DTNB: variants seen among roughly 807,000 people sequenced by gnomAD.
DTNB encodes the protein dystrobrevin beta, also known as DTN-B.
DTNB carries 63 observed loss-of-function variants against 90.7 expected under a neutral mutation model. That is an observed-to-expected ratio of 0.69 (90% CI 0.57 to 0.86). DTNB has a LOEUF of 0.86. Ranked by LOEUF, DTNB falls within the 40% of genes least tolerant of loss-of-function variation. DTNB has a pLI of 0.00. For synonymous variants in DTNB, 277 were observed against 286.7 expected, an observed-to-expected ratio of 0.97 and a Z score of 0.34; for missense variants, 744 against 807.1, an observed-to-expected ratio of 0.92 and a Z score of 0.95.
At chr2:25,665,808 A>G (rs1032609901) in intron 1 of DTNB, among the ~76,000 whole-genome samples, 1 of 151,468 alleles carries the variant, frequency 6.6e-6, no homozygotes, top group East Asian at 1.9e-4. Context: ...GGGAAAATAA[A>G]TGTTCATAAA....
At chr2:25,527,054 C>T (rs1483341735) in intron 9 of DTNB, among the ~76,000 whole-genome samples, 1 of 151,878 alleles carries the variant, frequency 6.6e-6, no homozygotes, top group African/African-American at 2.4e-5. Flanking sequence ...AAGAAGAATC[C>T]TAACATAACT....
intron 6 of DTNB, among the ~76,000 whole-genome samples, chr2:25,587,784 AT>A (rs2062732990): frequency 6.6e-6 from 1 of 152,194 alleles, no homozygotes; most frequent in Non-Finnish European, 1.5e-5. Context: ...CAATCTAAGT[AT>A]GCTAGTGAGA....
intron 5 of DTNB, chr2:25,599,124 T>C (rs1187351943): frequency 6.6e-6 from 1 of 151,242 alleles, no homozygotes; most frequent in Admixed American, 6.6e-5. Flanking sequence ...ATTACAGCAG[T>C]GACAGTGTGT....
chr2:25,431,806 C>T (rs2053939663), intron 14 of DTNB, among the ~76,000 whole-genome samples: 1 of 152,180 alleles, frequency 6.6e-6, no homozygotes. Flanking sequence ...TCCCATCCTC[C>T]CTAGTACGAC....
intron 16 of DTNB, among the ~76,000 whole-genome samples, chr2:25,400,444 C>T (rs756978906): frequency 8.5e-5 from 13 of 152,218 alleles, no homozygotes; most frequent in Non-Finnish European, 1.5e-4. Context: ...GTCTAGAATA[C>T]GCGGCACAGT....
At chr2:25,643,116 TA>T (rs2078700871) in intron 2 of DTNB, among the ~76,000 whole-genome samples, 1 of 151,988 alleles carries the variant, frequency 6.6e-6, no homozygotes, top group Non-Finnish European at 1.5e-5. Flanking sequence ...CCAGCTCAAC[TA>T]AAAGGTATGG....
intron 1 of DTNB, among the ~76,000 whole-genome samples, chr2:25,654,690 G>C (rs1267685264): frequency 1.3e-5 from 2 of 152,124 alleles, no homozygotes; most frequent in South Asian, 2.1e-4. Context: ...TTGTCAAATG[G>C]ACATAATGGG....
At chr2:25,471,686 G>A (rs1364809384) in intron 10 of DTNB, among the ~76,000 whole-genome samples, 1 of 152,156 alleles carries the variant, frequency 6.6e-6, no homozygotes, top group East Asian at 1.9e-4. Flanking sequence ...ACAGGCGTGA[G>A]CCACCGCATC....
chr2:25,518,718 G>A (rs2075613180), intron 9 of DTNB, among the ~76,000 whole-genome samples: 1 of 152,080 alleles, frequency 6.6e-6, no homozygotes, highest in South Asian at 2.1e-4. Flanking sequence ...TTTTTGGAGA[G>A]GTATAATTCC....
rs572585776 is a variant in DTNB, at chr2:25,542,266, G to C, written c.877-10669C>G. Among the ~76,000 whole-genome samples, 9 of 152,218 alleles carry C rather than the reference G, an allele frequency of 5.9e-5. No individual in the cohort carries two copies. The South Asian group carries it at 1.7e-3, about 28-fold the overall frequency. ...GTGCCCAGCTTAGATGTTGGGTTTAGTAAATATTTTATATGAGTCTTTTGA... is the reference window on the plus strand; with the variant it reads ...GTGCCCAGCTTAGATGTTGGGTTTACTAAATATTTTATATGAGTCTTTTGA... On this transcript the variant is annotated intron_variant, in intron 8 of 20. Coordinates refer to ENST00000406818, the MANE Select transcript of DTNB (RefSeq NM_021907.5).
chr2:25,646,143 C>T (rs2079386657), intron 2 of DTNB, among the ~76,000 whole-genome samples: 1 of 152,108 alleles, frequency 6.6e-6, no homozygotes, highest in Non-Finnish European at 1.5e-5. Flanking sequence ...CTCACCGTAC[C>T]TCTCGGGCAT....
chr2:25,532,824 G>T (rs971350586), intron 8 of DTNB, among the ~76,000 whole-genome samples: 1 of 152,142 alleles, frequency 6.6e-6, no homozygotes, highest in Non-Finnish European at 1.5e-5. Context: ...GCAGCTGTCT[G>T]CCTCATCAAT....
At chr2:25,515,327 C>G (rs142987091) in intron 9 of DTNB, among the ~76,000 whole-genome samples, 1 of 152,098 alleles carries the variant, frequency 6.6e-6, no homozygotes, top group Non-Finnish European at 1.5e-5. Context: ...GATTAAAATA[C>G]CCAAAACAAT....
At position 25,513,549 on chromosome 2, in the gene DTNB, C is replaced by T. The variant is rs561876334; in HGVS notation, c.1001+17924G>A. Among the ~76,000 whole-genome samples, 23 of 152,018 alleles carry T rather than the reference C, an allele frequency of 1.5e-4. No homozygotes were observed. The South Asian group carries it at 4.0e-3, about 26-fold the overall frequency. On this transcript the variant is annotated intron_variant, in intron 9 of 20. Transcript: ENST00000406818. ...CTAGCCGGCCAACATGGTGAAACCC[C>T]GTCTCTACTAAAAATACAAAAAAAT...
intron 4 of DTNB, among the ~76,000 whole-genome samples, chr2:25,621,199 G>C (rs2072513627): frequency 1.3e-5 from 2 of 152,130 alleles, no homozygotes; most frequent in Non-Finnish European, 2.9e-5. Context: ...TGCCTCCCAG[G>C]AAATTACAGT....
chr2:25,557,437 TAGG>T (rs1402676909), intron 8 of DTNB, among the ~76,000 whole-genome samples: 1 of 151,968 alleles, frequency 6.6e-6, no homozygotes, highest in Non-Finnish European at 1.5e-5. Flanking sequence ...CAGGTCAAAA[TAGG>T]AGGAGAGCCA....
intron 2 of DTNB, among the ~76,000 whole-genome samples, chr2:25,642,412 G>A (rs1005220824): frequency 6.6e-5 from 9 of 136,360 alleles, no homozygotes; most frequent in African/African-American, 2.3e-4. Context: ...GAGAAACCCT[G>A]GGACACTATT....
At chr2:25,403,516 T>C (rs7586918) in intron 16 of DTNB, among the ~76,000 whole-genome samples, 58,119 of 151,998 alleles carry the variant, frequency 0.38, 12,593 homozygotes, top group East Asian at 0.6. Flanking sequence ...CAATGAATGC[T>C]GAACACTCAG....
intron 6 of DTNB, among the ~76,000 whole-genome samples, chr2:25,581,190 T>G (rs1265594976): frequency 2.0e-5 from 3 of 152,114 alleles, no homozygotes; most frequent in African/African-American, 7.2e-5. Flanking sequence ...ATTTCCGCTT[T>G]CCAGTGGGGA....
Sources: gnomAD v4.1 joint callset for allele counts (sites outside exome capture counted in the v4.1 genomes callset) on GRCh38, gnomAD v4.1.1 for gene constraint, MANE v1.5 for transcripts, NCBI Gene and HGNC (gene_info 2026-07-23, HGNC 2026-07-21) for gene names.